The following DIP2C variants were observed in gnomAD, a reference collection of about 807,000 sequenced individuals.
The protein encoded by DIP2C is DIP2 acetate--CoA ligase C (putative).
In DIP2C, 33 loss-of-function variants were observed where a neutral mutation model predicts 192.4. The observed-to-expected ratio is 0.17, with a 90% CI of 0.13 to 0.23. The LOEUF is 0.23. DIP2C is among the 10% of genes least tolerant of loss of function. DIP2C has a pLI of 1.00. For missense variants in DIP2C, 1,537 were observed against 2,110.1 expected, an observed-to-expected ratio of 0.73 and a Z score of 5.32; for synonymous variants, 979 against 864.1, an observed-to-expected ratio of 1.13 and a Z score of -2.33.
rs1300011525 is a variant in DIP2C at position 423,040 on chromosome 10, A to G, written c.395-7T>C. On this transcript the variant is annotated splice_region_variant and splice_polypyrimidine_tract_variant and intron_variant, in intron 4 of 36. Coordinates refer to ENST00000280886, the MANE Select transcript of DIP2C (RefSeq NM_014974.3). Reference sequence around the variant, plus strand: ...TCTGAGCCAGAAGAGGTATCTGTGTAAGAAGAAAGGTGATTTGCTGTATGT... The same window carrying G: ...TCTGAGCCAGAAGAGGTATCTGTGTGAGAAGAAAGGTGATTTGCTGTATGT... 1.3e-6 allele frequency: 2 copies of G among 1,593,572 alleles called. No homozygotes were observed. Among genetic ancestry groups the G allele is most frequent in the Non-Finnish European group, 1.7e-6 (2 of 1,166,784 alleles).
intron 1 of DIP2C, among the ~76,000 whole-genome samples, chr10:568,592 C>T (rs1028790894): frequency 6.6e-6 from 1 of 151,574 alleles, no homozygotes; most frequent in Non-Finnish European, 1.5e-5. Context: ...ACGGTGAAAC[C>T]CCGTCTCTAC....
At chr10:665,383 G>C (rs1418124263) in intron 1 of DIP2C, 1 of 151,870 alleles carries the variant, frequency 6.6e-6, no homozygotes, top group Non-Finnish European at 1.5e-5. Context: ...ACGGGGGATA[G>C]GTAATAAATA....
At chr10:630,468 G>T (rs1189306222) in intron 1 of DIP2C, 2 of 152,200 alleles carry the variant, frequency 1.3e-5, no homozygotes, top group Admixed American at 1.3e-4. Context: ...TAATTAATAA[G>T]AACTCTTCGA....
chr10:478,494 C>A (rs933543289), intron 2 of DIP2C, among the ~76,000 whole-genome samples: 1 of 150,666 alleles, frequency 6.6e-6, no homozygotes, highest in South Asian at 2.1e-4. Flanking sequence ...GCAGATGCAC[C>A]CAAATTCCCA....
intron 3 of DIP2C, among the ~76,000 whole-genome samples, chr10:449,098 C>A (rs1278906758): frequency 7.5e-6 from 1 of 133,250 alleles, no homozygotes; most frequent in Non-Finnish European, 1.6e-5. Flanking sequence ...ACACACAGTG[C>A]GGCAGCAGGA....
intron 31 of DIP2C, among the ~76,000 whole-genome samples, chr10:320,080 AAC>A (rs1411957890): frequency 1.3e-5 from 2 of 152,210 alleles, no homozygotes; most frequent in East Asian, 3.8e-4. Flanking sequence ...ATTTGCAAGG[AAC>A]AGTTACAGAT....
chr10:348,671 C>A lies in DIP2C; in HGVS notation c.3201G>T (p.Thr1067=). 6.2e-7 allele frequency: 1 copy of A among 1,613,666 alleles called. No homozygotes were observed. Among genetic ancestry groups the A allele is most frequent in the Non-Finnish European group, 8.5e-7 (1 of 1,179,908 alleles). ...CAATCATCTTGACGGTAGGCAACGT[C>A]GTCGCGATGTTCTGTGGGTGCGGGG... is the stretch of plus-strand genomic sequence containing the variant. ...VRPPHPQNIA[T]TLPTVKMIVE... is the part of the protein sequence containing the mutation. Residue 1067 remains threonine (T), a synonymous_variant, in exon 26 of 37, where the codon ACG becomes ACT. Transcript: ENST00000280886.
At chr10:377,162 T>C (rs1961707063) in intron 17 of DIP2C, among the ~76,000 whole-genome samples, 1 of 144,048 alleles carries the variant, frequency 6.9e-6, no homozygotes, top group Non-Finnish European at 1.5e-5. Flanking sequence ...TTTTTTGCAC[T>C]GAATATACTA....
intron 1 of DIP2C, among the ~76,000 whole-genome samples, chr10:585,287 C>G (rs1170191835): frequency 2.0e-5 from 3 of 152,226 alleles, no homozygotes; most frequent in Non-Finnish European, 4.4e-5. Context: ...CAGCGGGCAT[C>G]GCCCTCACAA....
intron 3 of DIP2C, 151 bp downstream of exon 3, chr10:472,288 G>C (rs1010190450): frequency 1.7e-6 from 1 of 590,960 alleles, no homozygotes; most frequent in Non-Finnish European, 2.9e-6. Context: ...GGCGTCTCCC[G>C]AGAGGGTGTG....
intron 3 of DIP2C, among the ~76,000 whole-genome samples, chr10:469,583 C>T (rs1970470829): frequency 6.6e-6 from 1 of 152,174 alleles, no homozygotes; most frequent in African/African-American, 2.4e-5. Context: ...TCCCAAAGTG[C>T]TGGGACTACA....
intron 13 of DIP2C, among the ~76,000 whole-genome samples, chr10:389,475 C>CT (rs1192179091): frequency 6.6e-6 from 1 of 152,194 alleles, no homozygotes; most frequent in Non-Finnish European, 1.5e-5. Flanking sequence ...TGCAGAGACT[C>CT]TGACTCAATT....
intron 1 of DIP2C, among the ~76,000 whole-genome samples, chr10:511,062 G>A (rs948589378): frequency 6.6e-6 from 1 of 152,178 alleles, no homozygotes; most frequent in African/African-American, 2.4e-5. Flanking sequence ...TAAGACACAC[G>A]TAAGTCTTTC....
chr10:395,502 G>C (rs4881224), intron 10 of DIP2C, among the ~76,000 whole-genome samples: 61,727 of 151,988 alleles, frequency 0.41, 12,881 homozygotes, highest in East Asian at 0.54. Flanking sequence ...CTCAGGGGAG[G>C]GTCTCTGTAC....
intron 1 of DIP2C, among the ~76,000 whole-genome samples, chr10:571,960 T>C (rs997843563): frequency 2.6e-5 from 4 of 152,238 alleles, no homozygotes; most frequent in African/African-American, 7.2e-5. Context: ...AAAAGAACCA[T>C]AAGCATTCCG....
chr10:316,681 G>A (rs1344954684), intron 31 of DIP2C, among the ~76,000 whole-genome samples: 1 of 152,184 alleles, frequency 6.6e-6, no homozygotes, highest in Non-Finnish European at 1.5e-5. Context: ...CGGCTTTCCT[G>A]CTCACCTCCC....
intron 1 of DIP2C, among the ~76,000 whole-genome samples, chr10:563,053 T>C (rs867349024): frequency 6.6e-6 from 1 of 152,246 alleles, no homozygotes; most frequent in African/African-American, 2.4e-5. Context: ...TGCCTACAAG[T>C]GCTCTCTGGG....
chr10:466,615 G>A (rs1970220854), intron 3 of DIP2C, among the ~76,000 whole-genome samples: 2 of 141,764 alleles, frequency 1.4e-5, no homozygotes, highest in African/African-American at 5.0e-5. Flanking sequence ...CTATAACATG[G>A]GAGAAAATTT....
chr10:459,071 T>C (rs1464166440), intron 3 of DIP2C, among the ~76,000 whole-genome samples: 2 of 152,020 alleles, frequency 1.3e-5, no homozygotes, highest in East Asian at 3.9e-4. Flanking sequence ...TAAAGACTGT[T>C]GAAAACCTTA....
Sources: allele counts gnomAD v4.1 joint callset (sites outside exome capture counted in the v4.1 genomes callset), GRCh38; gene constraint gnomAD v4.1.1; transcripts MANE v1.5; gene names NCBI Gene and HGNC (gene_info 2026-07-23, HGNC 2026-07-21).